Variants in MAN1A2 observed in about 807,000 individuals in gnomAD.
The protein encoded by MAN1A2 is mannosyl-oligosaccharide 1,2-alpha-mannosidase IB.
In MAN1A2, 26 loss-of-function variants were observed where a neutral mutation model predicts 75.7. The observed-to-expected ratio is 0.34, with a 90% CI of 0.25 to 0.48. MAN1A2 has a LOEUF of 0.48. MAN1A2 is among the 20% of genes least tolerant of loss of function. MAN1A2 has a pLI of 0.99. For missense variants in MAN1A2, 562 were observed against 775.5 expected (o/e 0.72, Z 3.27); for synonymous variants, 247 against 264.6 (o/e 0.93, Z 0.65).
chr1:117,376,065 C>G (rs778797790), intron 1 of MAN1A2, among the ~76,000 whole-genome samples: 6 of 152,104 alleles, frequency 3.9e-5, no homozygotes, highest in Admixed American at 2.6e-4. Context: ...GCGCCCGCCA[C>G]CACGCCCGGC....
In MAN1A2 at chr1:117,405,564, T is replaced by TG; in HGVS notation, c.577dup (p.Asp193GlyfsTer2). On this transcript the variant is annotated frameshift_variant, in exon 3 of 13. Coordinates refer to ENST00000356554, the MANE Select transcript of MAN1A2 (RefSeq NM_006699.5). LOFTEE classifies it high-confidence loss of function. ...CTCTTTTCAGATGATGAAACATGCT[T>TG]GGGATAACTATAGGACATATGGGTG... 6.3e-7 allele frequency: 1 copy of TG among 1,598,222 alleles called. No individual in the cohort carries two copies. Among genetic ancestry groups the TG allele is most frequent in the Non-Finnish European group, 8.6e-7 (1 of 1,165,780 alleles).
intron 4 of MAN1A2, among the ~76,000 whole-genome samples, chr1:117,418,890 T>G (rs771085912): frequency 3.9e-5 from 6 of 152,132 alleles, no homozygotes; most frequent in Non-Finnish European, 8.8e-5. Context: ...TGCAAGGTAA[T>G]TGGTATTAAT....
intron 1 of MAN1A2, among the ~76,000 whole-genome samples, chr1:117,370,517 G>A (rs1216683947): frequency 6.6e-6 from 1 of 150,896 alleles, no homozygotes; most frequent in Admixed American, 6.6e-5. Context: ...AGAGTCTGTA[G>A]TAATAAACTT....
chr1:117,381,713 G>A (rs1329154395), intron 1 of MAN1A2, among the ~76,000 whole-genome samples: 2 of 151,736 alleles, frequency 1.3e-5, no homozygotes, highest in African/African-American at 4.8e-5. Flanking sequence ...TAATGGGATG[G>A]CTGGGTCAAA....
intron 12 of MAN1A2, among the ~76,000 whole-genome samples, chr1:117,521,711 A>G (rs1651876556): frequency 6.6e-6 from 1 of 151,946 alleles, no homozygotes. Flanking sequence ...TTATACAAAA[A>G]CGATTCGTGC....
At chr1:117,371,486 A>G (rs1043307133) in intron 1 of MAN1A2, among the ~76,000 whole-genome samples, 1 of 152,158 alleles carries the variant, frequency 6.6e-6, no homozygotes, top group African/African-American at 2.4e-5. Flanking sequence ...AGTGGGAATA[A>G]GGAAGACTTC....
intron 6 of MAN1A2, among the ~76,000 whole-genome samples, chr1:117,459,112 G>C (rs975534449): frequency 4.6e-5 from 7 of 152,100 alleles, no homozygotes; most frequent in Admixed American, 1.3e-4. Context: ...TTTCCCTGAG[G>C]ATATGTTCTA....
chr1:117,374,898 ATTAGT>A (rs1054115217), intron 1 of MAN1A2, among the ~76,000 whole-genome samples: 1 of 152,224 alleles, frequency 6.6e-6, no homozygotes, highest in Non-Finnish European at 1.5e-5. Flanking sequence ...GTATATAAAA[ATTAGT>A]TTAAAATCAC....
chr1:117,503,496 T>C (rs1020496634), intron 12 of MAN1A2, among the ~76,000 whole-genome samples: 2 of 151,210 alleles, frequency 1.3e-5, no homozygotes, highest in African/African-American at 4.8e-5. Flanking sequence ...TGGAAAAGAG[T>C]AGACAACTTT....
At chr1:117,373,699 G>A (rs964572093) in intron 1 of MAN1A2, among the ~76,000 whole-genome samples, 12 of 151,994 alleles carry the variant, frequency 7.9e-5, no homozygotes, top group Admixed American at 5.2e-4. Context: ...CTTACTTGTT[G>A]CCCAGGCTGG....
chr1:117,459,888 G>A (rs1372418497), intron 6 of MAN1A2, among the ~76,000 whole-genome samples: 1 of 152,100 alleles, frequency 6.6e-6, no homozygotes, highest in African/African-American at 2.4e-5. Context: ...TTTATTGTAT[G>A]ATACTGTCCC....
At chr1:117,487,623 C>G (rs565179408) in intron 8 of MAN1A2, among the ~76,000 whole-genome samples, 2 of 151,864 alleles carry the variant, frequency 1.3e-5, no homozygotes, top group Admixed American at 1.3e-4. Context: ...TTAACATAAC[C>G]GCAAAATAGA....
At chr1:117,420,224 G>A (rs923421971) in intron 4 of MAN1A2, among the ~76,000 whole-genome samples, 1 of 152,030 alleles carries the variant, frequency 6.6e-6, no homozygotes, top group Non-Finnish European at 1.5e-5. Context: ...AGTAAAGAGT[G>A]CTATTCTAGA....
chr1:117,472,082 C>T lies in MAN1A2; in HGVS notation c.1168+5655C>T, dbSNP rs534999354. On this transcript the variant is annotated intron_variant, in intron 8 of 12. Transcript: ENST00000356554. The stretch of plus-strand genomic sequence containing the variant: ...TAGTCATCATAGATTTTATCTTTCC[C>T]TTTGTATCCTACATTCATTCTTCAC... 2.0e-5 allele frequency among the ~76,000 whole-genome samples: 3 copies of T among 151,878 alleles called. No homozygotes were observed. The South Asian group carries it at 6.2e-4, about 32-fold the overall frequency.
At chr1:117,409,258 T>C (rs937351816) in intron 3 of MAN1A2, among the ~76,000 whole-genome samples, 1 of 152,166 alleles carries the variant, frequency 6.6e-6, no homozygotes, top group African/African-American at 2.4e-5. Flanking sequence ...TGTTTATTAC[T>C]GTAAACTTTC....
chr1:117,478,758 T>C (rs139582408), intron 8 of MAN1A2, among the ~76,000 whole-genome samples: 283 of 152,026 alleles, frequency 1.9e-3, no homozygotes, highest in Admixed American at 3.1e-3. Flanking sequence ...CTATTCTGTT[T>C]GTTATTAAAT....
chr1:117,492,884 A>G (rs2101873326), intron 8 of MAN1A2, among the ~76,000 whole-genome samples: 1 of 152,190 alleles, frequency 6.6e-6, no homozygotes, highest in South Asian at 2.1e-4. Context: ...ACAAACTGTA[A>G]TTCAAGAAAA....
At chr1:117,499,146 C>G (rs1232134107) in intron 10 of MAN1A2, among the ~76,000 whole-genome samples, 2 of 151,878 alleles carry the variant, frequency 1.3e-5, no homozygotes. Flanking sequence ...TATGTTGATA[C>G]ACATTATTCT....
intron 8 of MAN1A2, among the ~76,000 whole-genome samples, chr1:117,477,954 T>C (rs1374093625): frequency 6.6e-6 from 1 of 152,062 alleles, no homozygotes; most frequent in Non-Finnish European, 1.5e-5. Flanking sequence ...ACAAAATCAA[T>C]GTGCAAAAAT....
Sources: allele counts gnomAD v4.1 joint callset (sites outside exome capture counted in the v4.1 genomes callset), GRCh38; gene constraint gnomAD v4.1.1; transcripts MANE v1.5; gene names NCBI Gene and HGNC (gene_info 2026-07-23, HGNC 2026-07-21).